The following KCNJ6 variants were observed in gnomAD, a reference collection of about 807,000 sequenced individuals.
KCNJ6 encodes the protein G protein-activated inward rectifier potassium channel 2.
Under a neutral mutation model 34.2 loss-of-function variants are expected in KCNJ6, and 9 were observed. The observed-to-expected ratio is 0.26, with a 90% CI of 0.16 to 0.46. KCNJ6 has a LOEUF of 0.46. Among genes scored for constraint, KCNJ6 ranks in the 20% least tolerant of loss-of-function variants. The pLI, the probability that KCNJ6 is intolerant of heterozygous loss-of-function variation, is 1.00. For synonymous variants in KCNJ6, 196 were observed against 207.1 expected (o/e 0.95, Z 0.46); for missense variants, 236 against 531.3 (o/e 0.44, Z 5.46).
At chr21:37,843,718 G>A (rs142263118) in intron 1 of KCNJ6, among the ~76,000 whole-genome samples, 258 of 152,286 alleles carry the variant, frequency 1.7e-3, no homozygotes, top group African/African-American at 5.8e-3. Context: ...CCATAGTGAT[G>A]CAGTTGATGA....
intron 3 of KCNJ6, among the ~76,000 whole-genome samples, chr21:37,679,144 G>T (rs910754090): frequency 6.6e-6 from 1 of 152,170 alleles, no homozygotes; most frequent in Non-Finnish European, 1.5e-5. Flanking sequence ...AGCCATATTA[G>T]TGTATCATCT....
chr21:37,823,138 CCA>C (rs2055382153), intron 2 of KCNJ6, among the ~76,000 whole-genome samples: 1 of 152,132 alleles, frequency 6.6e-6, no homozygotes, highest in South Asian at 2.1e-4. Flanking sequence ...GCCCCCAGCC[CCA>C]GTCTGCAGGC....
intron 3 of KCNJ6, among the ~76,000 whole-genome samples, chr21:37,647,177 T>A (rs2054409194): frequency 6.6e-6 from 1 of 152,230 alleles, no homozygotes; most frequent in Non-Finnish European, 1.5e-5. Flanking sequence ...TCACTTATTA[T>A]GCATGGGCTA....
At chr21:37,626,144 T>TTC (rs2054309792) in intron 3 of KCNJ6, among the ~76,000 whole-genome samples, 1 of 151,356 alleles carries the variant, frequency 6.6e-6, no homozygotes, top group African/African-American at 2.4e-5. Context: ...TTTTTTTTTT[T>TTC]CTTTGAGATG....
intron 1 of KCNJ6, among the ~76,000 whole-genome samples, chr21:37,846,794 C>T (rs1601499077): frequency 1.3e-5 from 2 of 152,210 alleles, no homozygotes; most frequent in Middle Eastern, 6.8e-3. Flanking sequence ...CTCAACAGGG[C>T]CTCACCTCTG....
rs2054295019 is a variant in KCNJ6, at chr21:37,622,986, A to T, written c.*2173T>A. On this transcript the variant is annotated 3_prime_UTR_variant, in exon 4 of 4. Coordinates refer to ENST00000609713, the MANE Select transcript of KCNJ6 (RefSeq NM_002240.5). ...CCCTTCATTAGGCTGCAGAGAGGTC[A>T]AGCCATGGCTCCTCCCCGCAGCCTC... is the stretch of plus-strand genomic sequence containing the variant. The T allele has an allele frequency of 6.6e-6, 1 of 152,246 alleles. No individual in the cohort carries two copies. Among genetic ancestry groups the T allele is most frequent in the African/African-American group, 2.4e-5 (1 of 41,458 alleles). 9.4% of individuals were successfully genotyped at this position (152,246 alleles called of 1,614,324 possible).
At chr21:37,904,737 G>A (rs2055833095) in intron 1 of KCNJ6, among the ~76,000 whole-genome samples, 1 of 152,106 alleles carries the variant, frequency 6.6e-6, no homozygotes, top group South Asian at 2.1e-4. Flanking sequence ...TGACAGATAT[G>A]GCTGAATGAC....
At position 37,618,708 on chromosome 21, in the gene KCNJ6, G is replaced by A. The variant is rs2054281083; in HGVS notation, c.*6451C>T. On this transcript the variant is annotated 3_prime_UTR_variant, in exon 4 of 4. Coordinates refer to ENST00000609713, the MANE Select transcript of KCNJ6 (RefSeq NM_002240.5). ...GGGATTTGCATCTAGGGGGTATAGT[G>A]TCTAAAAATAACTCTATAAATACTG... The A allele has an allele frequency of 6.6e-6, 1 of 152,144 alleles. No homozygotes were observed. The highest frequency in any genetic ancestry group is 1.5e-5 in the Non-Finnish European group (1 of 68,012). 9.4% of individuals were successfully genotyped at this position (152,144 alleles called of 1,614,324 possible).
At chr21:37,891,882 G>T (rs1206823392) in intron 1 of KCNJ6, among the ~76,000 whole-genome samples, 1 of 152,048 alleles carries the variant, frequency 6.6e-6, no homozygotes, top group East Asian at 1.9e-4. Context: ...GTGCTGGGCT[G>T]GGTGTGGGTT....
At chr21:37,658,150 T>C (rs2054472656) in intron 3 of KCNJ6, among the ~76,000 whole-genome samples, 1 of 152,254 alleles carries the variant, frequency 6.6e-6, no homozygotes, top group Non-Finnish European at 1.5e-5. Context: ...AATTAACTGA[T>C]TTCACAGTGG....
intron 2 of KCNJ6, among the ~76,000 whole-genome samples, chr21:37,834,370 C>A (rs962888987): frequency 1.3e-5 from 2 of 152,232 alleles, no homozygotes; most frequent in African/African-American, 2.4e-5. Context: ...GAACCCTGAT[C>A]ATCCTTTGGG....
At chr21:37,722,392 T>G (rs913541950) in intron 2 of KCNJ6, among the ~76,000 whole-genome samples, 2 of 152,214 alleles carry the variant, frequency 1.3e-5, no homozygotes, top group Non-Finnish European at 2.9e-5. Flanking sequence ...TTCAATGCTA[T>G]TCCTATGAAA....
At chr21:37,783,732 C>T (rs2055180618) in intron 2 of KCNJ6, among the ~76,000 whole-genome samples, 1 of 152,178 alleles carries the variant, frequency 6.6e-6, no homozygotes, top group African/African-American at 2.4e-5. Flanking sequence ...GAAGCTCTAA[C>T]CTCCAGTGTG....
chr21:37,716,310 C>A (rs2123453406), intron 2 of KCNJ6, among the ~76,000 whole-genome samples: 1 of 151,876 alleles, frequency 6.6e-6, no homozygotes, highest in South Asian at 2.1e-4. Flanking sequence ...GATTTGGTTT[C>A]TGCCTCCTCA....
chr21:37,617,945 C>G lies in KCNJ6; in HGVS notation c.*7214G>C, dbSNP rs1404214859. The G allele has an allele frequency of 1.3e-5, 2 of 152,216 alleles. No homozygotes were observed. The highest frequency in any genetic ancestry group is 2.9e-5 in the Non-Finnish European group (2 of 68,090). 9.4% of individuals were successfully genotyped at this position (152,216 alleles called of 1,614,324 possible). On this transcript the variant is annotated 3_prime_UTR_variant, in exon 4 of 4. Transcript: ENST00000609713. ...TTAAGCTTGAAAGATACAGGGTCCC[C>G]CGGAAGATACTTCTAGGGGGTCATT...
At chr21:37,664,105 CTA>C (rs2054502855) in intron 3 of KCNJ6, among the ~76,000 whole-genome samples, 1 of 152,100 alleles carries the variant, frequency 6.6e-6, no homozygotes, top group Non-Finnish European at 1.5e-5. Context: ...AAAGTTGAAT[CTA>C]AATAATTTAT....
intron 3 of KCNJ6, among the ~76,000 whole-genome samples, chr21:37,667,921 G>A: frequency 0.014 from 1 of 72 alleles, no homozygotes; most frequent in South Asian, 0.25. Flanking sequence ...CTCCTGGAGT[G>A]GTGTCCTCCT....
chr21:37,652,217 C>T (rs1420491351), intron 3 of KCNJ6, among the ~76,000 whole-genome samples: 2 of 152,098 alleles, frequency 1.3e-5, no homozygotes, highest in East Asian at 3.9e-4. Context: ...GAGAGTGGTT[C>T]CAGAAAGAAA....
chr21:37,668,585 A>T (rs2054527724), intron 3 of KCNJ6, among the ~76,000 whole-genome samples: 1 of 152,176 alleles, frequency 6.6e-6, no homozygotes, highest in African/African-American at 2.4e-5. Flanking sequence ...TAGGACTTCA[A>T]CATAGGCAGA....
Sources: gnomAD v4.1 joint callset for allele counts (sites outside exome capture counted in the v4.1 genomes callset) on GRCh38, gnomAD v4.1.1 for gene constraint, MANE v1.5 for transcripts, NCBI Gene and HGNC (gene_info 2026-07-23, HGNC 2026-07-21) for gene names.